SHISA9: variants seen among roughly 807,000 people sequenced by gnomAD.
SHISA9 encodes the protein shisa family member 9.
SHISA9 carries 13 observed loss-of-function variants against 38.0 expected under a neutral mutation model. The ratio of observed to expected loss-of-function variants is 0.34; its 90% CI spans 0.22 to 0.54. The LOEUF is 0.54. Among genes scored for constraint, SHISA9 ranks in the 20% least tolerant of loss-of-function variants. The probability of loss-of-function intolerance (pLI) is 0.91; values close to 1 mark genes in which losing one functional copy is unlikely to be tolerated. For missense variants in SHISA9, 538 were observed against 575.8 expected, an observed-to-expected ratio of 0.93 and a Z score of 0.67; for synonymous variants, 275 against 242.0, an observed-to-expected ratio of 1.14 and a Z score of -1.27.
chr16:13,200,618 G>GTACATACTATGTACATCATATGTA (rs1337062713), intron 2 of SHISA9, among the ~76,000 whole-genome samples: 12 of 87,162 alleles, frequency 1.4e-4, no homozygotes, highest in Admixed American at 4.2e-4. Context: ...GCTCCAAGGT[G>GTACATACTATGTACATCATATGTA]TGGTGAAAGC....
the SHISA9 span, among the ~76,000 whole-genome samples, chr16:13,450,088 A>T: frequency 1.3e-5 from 2 of 152,122 alleles, no homozygotes; most frequent in African/African-American, 2.4e-5. Flanking sequence ...CTGCACTCCA[A>T]CCTGAGTGAT....
chr16:12,970,332 T>TATATACATATATGTATATATATATAC (rs1567356735), intron 2 of SHISA9, among the ~76,000 whole-genome samples: 1 of 74,986 alleles, frequency 1.3e-5, no homozygotes, highest in African/African-American at 5.8e-5. Context: ...TATACATATA[T>TATATACATATATGTATATATATATAC]ATATATATAT....
At chr16:13,145,960 G>A (rs2050443709) in intron 2 of SHISA9, among the ~76,000 whole-genome samples, 1 of 152,252 alleles carries the variant, frequency 6.6e-6, no homozygotes, top group South Asian at 2.1e-4. Flanking sequence ...GGCCAAGGCA[G>A]GCAGATTGCT....
intron 2 of SHISA9, among the ~76,000 whole-genome samples, chr16:13,187,641 G>A (rs2050840503): frequency 6.6e-6 from 1 of 151,894 alleles, no homozygotes; most frequent in Non-Finnish European, 1.5e-5. Context: ...AGCCCATCTG[G>A]GGAACTTTTG....
At chr16:13,402,512 C>CT in the SHISA9 span, among the ~76,000 whole-genome samples, 5,332 of 125,276 alleles carry the variant, frequency 0.043, 376 homozygotes, top group African/African-American at 0.11. Context: ...AGAGGGTGGT[C>CT]TTTTTTTTTT....
At chr16:13,077,619 A>C (rs568582792) in intron 2 of SHISA9, among the ~76,000 whole-genome samples, 12 of 152,268 alleles carry the variant, frequency 7.9e-5, no homozygotes, top group Admixed American at 7.8e-4. Flanking sequence ...TGCCCAGGTG[A>C]GAAGTAGTAG....
At chr16:13,180,784 T>A (rs1033080256) in intron 2 of SHISA9, among the ~76,000 whole-genome samples, 2 of 152,150 alleles carry the variant, frequency 1.3e-5, no homozygotes, top group African/African-American at 2.4e-5. Flanking sequence ...GGAATCAGGA[T>A]TATCAACACT....
chr16:12,932,869 G>A (rs1015217001), intron 2 of SHISA9, among the ~76,000 whole-genome samples: 7 of 152,208 alleles, frequency 4.6e-5, no homozygotes, highest in Non-Finnish European at 1.0e-4. Context: ...CAGTGGGCAT[G>A]AGTGCTGTGA....
chr16:13,516,287 C>T, the SHISA9 span, among the ~76,000 whole-genome samples: 4 of 152,244 alleles, frequency 2.6e-5, no homozygotes, highest in East Asian at 1.9e-4. Context: ...TCAACAAATA[C>T]GAGGTGAGGC....
chr16:13,352,225 C>T, the SHISA9 span, among the ~76,000 whole-genome samples: 75 of 152,284 alleles, frequency 4.9e-4, no homozygotes, highest in African/African-American at 1.6e-3. Flanking sequence ...ATTGGGAGAA[C>T]AGAGTGCATG....
chr16:13,252,080 C>T, the SHISA9 span, among the ~76,000 whole-genome samples: 1 of 152,194 alleles, frequency 6.6e-6, no homozygotes, highest in Non-Finnish European at 1.5e-5. Context: ...CTCCTTTTCA[C>T]TCCATGTAAA....
chr16:13,092,398 G>C (rs57502515), intron 2 of SHISA9, among the ~76,000 whole-genome samples: 4,487 of 152,262 alleles, frequency 0.029, 234 homozygotes, highest in African/African-American at 0.1. Flanking sequence ...GTTGTCTGCT[G>C]CCTTTTGTTC....
At chr16:13,409,481 C>G in the SHISA9 span, among the ~76,000 whole-genome samples, 1 of 152,256 alleles carries the variant, frequency 6.6e-6, no homozygotes, top group Non-Finnish European at 1.5e-5. Context: ...GCTCCTGCAC[C>G]TGTCCCTCTG....
At chr16:12,956,950 G>A (rs1158903854) in intron 2 of SHISA9, among the ~76,000 whole-genome samples, 1 of 152,060 alleles carries the variant, frequency 6.6e-6, no homozygotes, top group African/African-American at 2.4e-5. Flanking sequence ...TAACAATAAT[G>A]TATATATATT....
At chr16:13,501,172 A>G in the SHISA9 span, among the ~76,000 whole-genome samples, 1 of 152,084 alleles carries the variant, frequency 6.6e-6, no homozygotes, top group Non-Finnish European at 1.5e-5. Context: ...TTCTGCAGAC[A>G]TTTTTGCTTG....
the SHISA9 span, among the ~76,000 whole-genome samples, chr16:13,398,257 G>T: frequency 1.3e-5 from 2 of 152,074 alleles, no homozygotes; most frequent in Admixed American, 6.5e-5. Flanking sequence ...ACAAACCCGG[G>T]GGTGGAGCCC....
intron 2 of SHISA9, among the ~76,000 whole-genome samples, chr16:13,064,213 T>A (rs2073408050): frequency 6.6e-6 from 1 of 152,172 alleles, no homozygotes; most frequent in Admixed American, 6.5e-5. Flanking sequence ...ATTTGAATAG[T>A]TTTAATGCCA....
At chr16:13,116,386 C>T (rs925263719) in intron 2 of SHISA9, among the ~76,000 whole-genome samples, 1 of 152,154 alleles carries the variant, frequency 6.6e-6, no homozygotes, top group African/African-American at 2.4e-5. Context: ...TCTGAGACAG[C>T]TTGTCAGAGC....
chr16:13,421,733 C>T, the SHISA9 span, among the ~76,000 whole-genome samples: 1 of 152,204 alleles, frequency 6.6e-6, no homozygotes, highest in African/African-American at 2.4e-5. Context: ...ATATTTGACA[C>T]ACAGTAAGTA....
Sources: allele counts gnomAD v4.1 joint callset (sites outside exome capture counted in the v4.1 genomes callset), GRCh38; gene constraint gnomAD v4.1.1; transcripts MANE v1.5; gene names NCBI Gene and HGNC (gene_info 2026-07-23, HGNC 2026-07-21).